MYO5A: variants seen among roughly 807,000 people sequenced by gnomAD.
The protein encoded by MYO5A is myosin VA, also known as unconventional myosin-Va.
In MYO5A, 98 loss-of-function variants were observed where a neutral mutation model predicts 249.7. The ratio of observed to expected loss-of-function variants is 0.39; its 90% confidence interval spans 0.33 to 0.46. The LOEUF (loss-of-function observed/expected upper bound fraction) is 0.46. Among genes scored for constraint, MYO5A ranks in the 20% least tolerant of loss-of-function variants. The probability of loss-of-function intolerance (pLI) is 0.98; values close to 1 mark genes in which losing one functional copy is unlikely to be tolerated. For missense variants in MYO5A, 1,696 were observed against 2,308.8 expected (o/e 0.73, Z 5.44); for synonymous variants, 778 against 810.6 (o/e 0.96, Z 0.68).
chr15:52,478,035 C>T lies in MYO5A; in HGVS notation c.28-44750G>A, dbSNP rs191907624. Among the ~76,000 whole-genome samples the T allele has an allele frequency of 2.3e-3, 354 of 152,354 alleles. 1 individual carries two copies. Among genetic ancestry groups the T allele is most frequent in the African/African-American group, 8.3e-3 (345 of 41,588 alleles). ...GTGGAGTCTACAGTGGCAGGCAGGC[C>T]TCCTTGAGCTGCGGTGGGCTCCACC... On this transcript the variant is annotated intron_variant, in intron 1 of 41. Coordinates refer to ENST00000399233, the MANE Select transcript of MYO5A (RefSeq NM_001382347.1).
intron 24 of MYO5A, among the ~76,000 whole-genome samples, chr15:52,363,417 T>G (rs1371948070): frequency 6.6e-6 from 1 of 152,052 alleles, no homozygotes; most frequent in Admixed American, 6.6e-5. Context: ...TAAATCAGAG[T>G]AGTGAGGGTT....
At position 52,408,047 on chromosome 15, in the gene MYO5A, C is replaced by T. The variant is rs779835265; in HGVS notation, c.838+12G>A. On this transcript the variant is annotated intron_variant, in intron 7 of 41. Transcript: ENST00000399233. ...CAATACCAGAACAATAAATTTAATG[C>T]CATATTCATACCTAATCGTAGCATT... 4.7e-6 allele frequency: 7 copies of T among 1,503,516 alleles called. No individual in the cohort carries two copies. Among genetic ancestry groups the T allele is most frequent in the African/African-American group, 2.8e-5 (2 of 72,586 alleles). 93.1% of individuals were successfully genotyped at this position (1,503,516 alleles called of 1,614,324 possible). A position where few individuals can be genotyped will look rare whatever the true frequency, so the allele number is the denominator to read the frequency against.
chr15:52,381,056 T>G (rs2041716663), intron 16 of MYO5A, among the ~76,000 whole-genome samples: 1 of 152,242 alleles, frequency 6.6e-6, no homozygotes, highest in South Asian at 2.1e-4. Context: ...GCAAATGACA[T>G]CTTCAAGTTA....
At chr15:52,389,767 G>A (rs1406781603) in intron 12 of MYO5A, among the ~76,000 whole-genome samples, 3 of 152,098 alleles carry the variant, frequency 2.0e-5, no homozygotes, top group African/African-American at 7.2e-5. Flanking sequence ...AGCCTGACCA[G>A]AATGGAGAAA....
At chr15:52,423,950 T>C (rs1240543996) in intron 4 of MYO5A, among the ~76,000 whole-genome samples, 2 of 152,386 alleles carry the variant, frequency 1.3e-5, no homozygotes, top group East Asian at 3.8e-4. Context: ...TATTTAAGAA[T>C]ACTGTTTTCC....
At chr15:52,318,456 CAAA>C (rs35901511) in intron 39 of MYO5A, among the ~76,000 whole-genome samples, 8,756 of 87,330 alleles carry the variant, frequency 0.1, 837 homozygotes, top group African/African-American at 0.33. Flanking sequence ...AACTCCATCT[CAAA>C]AAAAAAAAAA....
Position 52,461,744 on chromosome 15 carries a change from C to T in MYO5A, c.28-28459G>A, listed in dbSNP as rs111348972. The stretch of plus-strand genomic sequence containing the variant: ...TTGGGAGGCTGAGGTGGGCAGATCG[C>T]GAGGTGAGGAGTTTGAGACCAGCCT... On this transcript the variant is annotated intron_variant, in intron 1 of 41. Transcript: ENST00000399233. Among the ~76,000 whole-genome samples, 150 of 152,030 alleles carry T rather than the reference C, an allele frequency of 9.9e-4. 1 individual carries two copies. The highest frequency in any genetic ancestry group is 3.3e-3 in the African/African-American group (138 of 41,456).
chr15:52,346,485 C>T (rs770719692), intron 29 of MYO5A, 24 bp from the exon 30 acceptor site: 36 of 1,406,770 alleles, frequency 2.6e-5, no homozygotes, highest in Non-Finnish European at 3.1e-5. Context: ...AACACATTTA[C>T]GCATTAAGAT....
chr15:52,336,700 T>G, intron 33 of MYO5A, 144 bp from the exon 34 acceptor site: 1 of 662,762 alleles, frequency 1.5e-6, no homozygotes, highest in South Asian at 1.8e-5. Flanking sequence ...TGGCTAAAAT[T>G]GGCAGGCATG....
chr15:52,522,951 A>G (rs912823171), intron 1 of MYO5A, among the ~76,000 whole-genome samples: 2 of 152,212 alleles, frequency 1.3e-5, no homozygotes, highest in Non-Finnish European at 2.9e-5. Context: ...CAATACACAA[A>G]ACTTTCACAC....
intron 14 of MYO5A, 183 bp downstream of exon 14, chr15:52,387,646 C>T: frequency 1.8e-6 from 1 of 570,212 alleles, no homozygotes; most frequent in South Asian, 2.1e-5. Flanking sequence ...GATGAGTTAG[C>T]ATTTTCAATA....
chr15:52,505,017 T>G (rs1339367914), intron 1 of MYO5A, among the ~76,000 whole-genome samples: 2 of 152,116 alleles, frequency 1.3e-5, no homozygotes, highest in African/African-American at 2.4e-5. Flanking sequence ...CGTTAAGAAC[T>G]CAGACTCGGC....
chr15:52,412,640 A>T (rs917881758), intron 5 of MYO5A, among the ~76,000 whole-genome samples: 52 of 151,976 alleles, frequency 3.4e-4, no homozygotes, highest in Non-Finnish European at 6.6e-4. Context: ...TCTTTTGTCC[A>T]CTCCCTCAAT....
chr15:52,490,638 G>A (rs553006430), intron 1 of MYO5A, among the ~76,000 whole-genome samples: 1 of 152,212 alleles, frequency 6.6e-6, no homozygotes, highest in Non-Finnish European at 1.5e-5. Context: ...GTGGGGAATA[G>A]GGAGTTATTG....
chr15:52,316,966 A>G (rs1596268797), intron 40 of MYO5A, 82 bp downstream of exon 40: 1 of 1,419,630 alleles, frequency 7.0e-7, no homozygotes, highest in Non-Finnish European at 9.9e-7. Flanking sequence ...GATACAAGCA[A>G]TAAGTAGAGG....
intron 30 of MYO5A, among the ~76,000 whole-genome samples, chr15:52,343,491 G>C (rs764890122): frequency 2.0e-5 from 3 of 152,170 alleles, no homozygotes; most frequent in Non-Finnish European, 4.4e-5. Flanking sequence ...TTCTGTTTTT[G>C]ATGTTTTATT....
chr15:52,465,709 A>G (rs1255542518), intron 1 of MYO5A, among the ~76,000 whole-genome samples: 1 of 152,312 alleles, frequency 6.6e-6, no homozygotes, highest in East Asian at 1.9e-4. Flanking sequence ...ACTCTTACAA[A>G]TCATTAAGAA....
chr15:52,419,961 A>G (rs2043708393), intron 4 of MYO5A, among the ~76,000 whole-genome samples: 2 of 152,208 alleles, frequency 1.3e-5, no homozygotes, highest in Admixed American at 1.3e-4. Flanking sequence ...CTCAAAGTTC[A>G]TATGTTGCAA....
At chr15:52,524,926 A>G (rs1340004728) in intron 1 of MYO5A, among the ~76,000 whole-genome samples, 5 of 151,922 alleles carry the variant, frequency 3.3e-5, no homozygotes, top group African/African-American at 1.2e-4. Flanking sequence ...TGACCATCCT[A>G]TAGCATGGAT....
Sources: allele counts gnomAD v4.1 joint callset (sites outside exome capture counted in the v4.1 genomes callset), GRCh38; gene constraint gnomAD v4.1.1; transcripts MANE v1.5; gene names NCBI Gene and HGNC (gene_info 2026-07-23, HGNC 2026-07-21).